Variants in CCNY observed in about 807,000 individuals in gnomAD.
CCNY encodes cyclin-Y.
CCNY carries 19 observed loss-of-function variants against 42.8 expected under a neutral mutation model. The ratio of observed to expected loss-of-function variants is 0.44; its 90% CI spans 0.31 to 0.65. CCNY has a LOEUF of 0.65. Among genes scored for constraint, CCNY ranks in the 30% least tolerant of loss-of-function variants. The pLI is 0.07. For missense variants in CCNY, 370 were observed against 437.3 expected, an observed-to-expected ratio of 0.85 and a Z score of 1.37; for synonymous variants, 165 against 162.7, an observed-to-expected ratio of 1.01 and a Z score of -0.11.
chr10:35,478,339 T>A (rs1431454874), intron 1 of CCNY, among the ~76,000 whole-genome samples: 2 of 151,994 alleles, frequency 1.3e-5, no homozygotes, highest in African/African-American at 4.8e-5. Context: ...AAGTCAATCC[T>A]AAGCCAAAAG....
rs180824982 is a variant in CCNY at position 35,402,347 on chromosome 10, C to T, written c.154+65140C>T. On this transcript the variant is annotated intron_variant, in intron 1 of 9. Transcript: ENST00000374704. The stretch of plus-strand genomic sequence containing the variant: ...AAGGAGAAAACTAGGTATTAAAGGA[C>T]TAAGAATTGGGAGTACCCAGGATGT... Among the ~76,000 whole-genome samples, 7 of 152,272 alleles carry T rather than the reference C, an allele frequency of 4.6e-5. No individual in the cohort carries two copies. In the East Asian group the frequency reaches 1.3e-3, roughly 29 times the overall value.
chr10:35,348,497 T>G (rs540583297), intron 1 of CCNY, among the ~76,000 whole-genome samples: 22 of 152,358 alleles, frequency 1.4e-4, no homozygotes, highest in African/African-American at 5.3e-4. Flanking sequence ...TTGAGTTCTC[T>G]TCTGAAGCAG....
At chr10:35,408,516 T>TAA (rs1837833784) in intron 1 of CCNY, among the ~76,000 whole-genome samples, 1 of 148,560 alleles carries the variant, frequency 6.7e-6, no homozygotes, top group African/African-American at 2.5e-5. Flanking sequence ...CGGGGAGAAT[T>TAA]ACAAAGAACC....
chr10:35,363,944 AGGGTAATAATTTTG>A (rs371273016), intron 1 of CCNY, among the ~76,000 whole-genome samples: 16 of 152,328 alleles, frequency 1.1e-4, no homozygotes, highest in African/African-American at 3.4e-4. Context: ...GAGGAGGGAC[AGGGTAATAATTTTG>A]GGTTTGAACA....
chr10:35,413,153 T>C (rs1432631577), intron 1 of CCNY, among the ~76,000 whole-genome samples: 1 of 152,060 alleles, frequency 6.6e-6, no homozygotes, highest in Non-Finnish European at 1.5e-5. Context: ...ACTTGGGAGC[T>C]AGATTAGAAG....
intron 1 of CCNY, among the ~76,000 whole-genome samples, chr10:35,423,059 A>T (rs1328970228): frequency 6.6e-6 from 1 of 151,996 alleles, no homozygotes; most frequent in Admixed American, 6.6e-5. Context: ...TGTATGCTGA[A>T]CTCTCCACCT....
intron 7 of CCNY, among the ~76,000 whole-genome samples, chr10:35,546,982 T>G (rs936404663): frequency 1.3e-5 from 2 of 152,184 alleles, no homozygotes; most frequent in African/African-American, 4.8e-5. Context: ...GTCTTCTTTT[T>G]CTGCTGCTTT....
chr10:35,453,973 G>T (rs754599426), intron 1 of CCNY, among the ~76,000 whole-genome samples: 1 of 152,108 alleles, frequency 6.6e-6, no homozygotes, highest in Non-Finnish European at 1.5e-5. Flanking sequence ...TAAAAAAGAT[G>T]AGTCATGATC....
At chr10:35,458,925 A>G (rs1379923850) in intron 1 of CCNY, among the ~76,000 whole-genome samples, 1 of 152,174 alleles carries the variant, frequency 6.6e-6, no homozygotes, top group East Asian at 1.9e-4. Flanking sequence ...TCAGAGCAGA[A>G]AATGGAAGGG....
chr10:35,421,873 C>CAG (rs1423848130), intron 1 of CCNY, among the ~76,000 whole-genome samples: 1 of 152,118 alleles, frequency 6.6e-6, no homozygotes, highest in Non-Finnish European at 1.5e-5. Context: ...TTCTGTGGGC[C>CAG]AGATATGGTT....
intron 3 of CCNY, among the ~76,000 whole-genome samples, chr10:35,309,157 T>C (rs569703236): frequency 6.6e-6 from 1 of 152,292 alleles, no homozygotes; most frequent in East Asian, 1.9e-4. Flanking sequence ...TGCAAGGCAG[T>C]GGCTCACGGC....
At chr10:35,259,661 C>G (rs1157558757) in intron 3 of CCNY, among the ~76,000 whole-genome samples, 3 of 124,654 alleles carry the variant, frequency 2.4e-5, no homozygotes, top group Non-Finnish European at 3.3e-5. Flanking sequence ...CACCATCATG[C>G]CTGGCTAATT....
At chr10:35,302,717 C>A (rs1835552837) in intron 3 of CCNY, among the ~76,000 whole-genome samples, 2 of 152,154 alleles carry the variant, frequency 1.3e-5, no homozygotes, top group African/African-American at 4.8e-5. Context: ...CTGAACAATT[C>A]AATCTACATC....
rs559516843 is a variant in CCNY, at chr10:35,376,192, T to A, written c.154+38985T>A. ...AGGACACCATGTATAGTGTTAAAAA[T>A]TATTGAAACTCTCATACATTGCTGG... is the stretch of plus-strand genomic sequence containing the variant. On this transcript the variant is annotated intron_variant, in intron 1 of 9. Coordinates refer to ENST00000374704, the MANE Select transcript of CCNY (RefSeq NM_145012.6). Among the ~76,000 whole-genome samples, 7 of 152,278 alleles carry A rather than the reference T, an allele frequency of 4.6e-5. 1 individual carries two copies. The South Asian group carries it at 1.5e-3, about 32-fold the overall frequency.
At chr10:35,290,751 C>T (rs1835404182) in intron 3 of CCNY, among the ~76,000 whole-genome samples, 1 of 151,940 alleles carries the variant, frequency 6.6e-6, no homozygotes, top group Admixed American at 6.6e-5. Flanking sequence ...TGCTTGAGGT[C>T]AGGAGTTCGA....
At chr10:35,249,694 A>G (rs936089913) in intron 2 of CCNY, among the ~76,000 whole-genome samples, 3 of 152,216 alleles carry the variant, frequency 2.0e-5, no homozygotes, top group African/African-American at 7.2e-5. Context: ...TTCCTGCTTC[A>G]CCTTGTACAG....
intron 1 of CCNY, among the ~76,000 whole-genome samples, chr10:35,405,071 G>C (rs1837727850): frequency 6.6e-6 from 1 of 152,158 alleles, no homozygotes; most frequent in South Asian, 2.1e-4. Context: ...GGCACCACTG[G>C]GTGGATAGGC....
chr10:35,309,164 C>T (rs1001854736), intron 3 of CCNY, among the ~76,000 whole-genome samples: 12 of 152,066 alleles, frequency 7.9e-5, no homozygotes, highest in Non-Finnish European at 1.8e-4. Context: ...CAGTGGCTCA[C>T]GGCTAAAGTA....
chr10:35,405,518 A>G (rs1030867914), intron 1 of CCNY, among the ~76,000 whole-genome samples: 2 of 152,170 alleles, frequency 1.3e-5, no homozygotes, highest in African/African-American at 4.8e-5. Context: ...GGGGATAACT[A>G]AAAAGGAGTG....
Sources: allele counts gnomAD v4.1 joint callset (sites outside exome capture counted in the v4.1 genomes callset), GRCh38; gene constraint gnomAD v4.1.1; transcripts MANE v1.5; gene names NCBI Gene and HGNC (gene_info 2026-07-23, HGNC 2026-07-21).